Variants in GRIA1 observed in about 807,000 individuals in gnomAD.
The protein encoded by GRIA1 is glutamate ionotropic receptor AMPA type subunit 1, also known as glutamate receptor 1.
A neutral mutation model predicts 99.2 loss-of-function variants in GRIA1; 31 were observed. The ratio of observed to expected loss-of-function variants is 0.31; its 90% confidence interval spans 0.23 to 0.42. The LOEUF (loss-of-function observed/expected upper bound fraction) is 0.42. Among genes scored for constraint, GRIA1 ranks in the 10% least tolerant of loss-of-function variants. The probability of loss-of-function intolerance (pLI) is 1.00; values close to 1 mark genes in which losing one functional copy is unlikely to be tolerated. For missense variants in GRIA1, 782 were observed against 1,157.5 expected (o/e 0.68, Z 4.71); for synonymous variants, 438 against 432.4 (o/e 1.01, Z -0.16).
chr5:153,738,702 T>G (rs1761559019), intron 11 of GRIA1, among the ~76,000 whole-genome samples: 1 of 149,618 alleles, frequency 6.7e-6, no homozygotes, highest in South Asian at 2.2e-4. Context: ...TAATGTTGCG[T>G]GTTCATCTCC....
At chr5:153,725,672 T>C (rs1204412675) in intron 11 of GRIA1, among the ~76,000 whole-genome samples, 2 of 104,860 alleles carry the variant, frequency 1.9e-5, no homozygotes, top group Non-Finnish European at 3.7e-5. Context: ...AAGGGATCAA[T>C]TCAACAAGAA....
At chr5:153,580,440 A>C (rs1470699950) in intron 2 of GRIA1, among the ~76,000 whole-genome samples, 1 of 152,216 alleles carries the variant, frequency 6.6e-6, no homozygotes, top group Non-Finnish European at 1.5e-5. Context: ...TGTAGCTCAG[A>C]AGCAGTCAAG....
At chr5:153,739,951 T>A (rs923960853) in intron 11 of GRIA1, among the ~76,000 whole-genome samples, 1 of 152,240 alleles carries the variant, frequency 6.6e-6, no homozygotes, top group African/African-American at 2.4e-5. Flanking sequence ...CCATTTCCAT[T>A]ATGATTTATG....
intron 11 of GRIA1, among the ~76,000 whole-genome samples, chr5:153,754,441 G>A (rs779401313): frequency 5.9e-5 from 9 of 151,994 alleles, no homozygotes; most frequent in Non-Finnish European, 7.4e-5. Flanking sequence ...TATCGTTCAA[G>A]GTAGGCTGCT....
In GRIA1 at chr5:153,636,114, A is replaced by G. The variant is rs2042255; in HGVS notation, c.221-10814A>G. Among the ~76,000 whole-genome samples the G allele has an allele frequency of 3.8e-3, 573 of 152,252 alleles. 2 individuals carry two copies. Among genetic ancestry groups the G allele is most frequent in the Middle Eastern group, 0.02 (6 of 294 alleles). On this transcript the variant is annotated intron_variant, in intron 2 of 15. Coordinates refer to ENST00000285900, the MANE Select transcript of GRIA1 (RefSeq NM_000827.4). ...TCCCTTACTCTTCTTAAGAGCACCC[A>G]GAGTCACCATGAAAGAACCACAAGT...
intron 13 of GRIA1, among the ~76,000 whole-genome samples, chr5:153,793,617 C>T (rs1192366211): frequency 6.6e-6 from 1 of 152,208 alleles, no homozygotes; most frequent in East Asian, 1.9e-4. Context: ...GGGCCCAGCA[C>T]ATAAACCCTT....
intron 2 of GRIA1, among the ~76,000 whole-genome samples, chr5:153,589,315 C>T (rs902534974): frequency 6.6e-6 from 1 of 152,088 alleles, no homozygotes; most frequent in African/African-American, 2.4e-5. Context: ...AATGGAAGTG[C>T]CCCGAGCAGT....
At chr5:153,700,150 C>T (rs556402964) in intron 10 of GRIA1, among the ~76,000 whole-genome samples, 7 of 152,110 alleles carry the variant, frequency 4.6e-5, no homozygotes, top group East Asian at 1.9e-4. Context: ...CTTGGGAGGC[C>T]GAGGCAGGTG....
At chr5:153,669,523 C>G (rs1273970514) in intron 5 of GRIA1, among the ~76,000 whole-genome samples, 1 of 152,138 alleles carries the variant, frequency 6.6e-6, no homozygotes, top group East Asian at 1.9e-4. Flanking sequence ...CCTGTCTTGC[C>G]ACTGCTACTC....
chr5:153,721,926 C>A lies in GRIA1; in HGVS notation c.1823+15859C>A, dbSNP rs538498191. Among the ~76,000 whole-genome samples, 103 of 152,238 alleles carry A rather than the reference C, an allele frequency of 6.8e-4. 1 individual carries two copies. Among genetic ancestry groups the A allele is most frequent in the African/African-American group, 2.2e-3 (91 of 41,548 alleles). On this transcript the variant is annotated intron_variant, in intron 11 of 15. Transcript: ENST00000285900. ...ATATATTTTCTATTGTAGATGCTAC[C>A]AAACTGTTTTCAGAAGTAGCATACA...
intron 13 of GRIA1, among the ~76,000 whole-genome samples, chr5:153,792,952 C>T (rs576948835): frequency 2.6e-5 from 4 of 152,164 alleles, no homozygotes; most frequent in Non-Finnish European, 5.9e-5. Flanking sequence ...AACTCCTTTT[C>T]AGACAGCAAA....
At chr5:153,716,969 A>C (rs1469018290) in intron 11 of GRIA1, among the ~76,000 whole-genome samples, 1 of 152,210 alleles carries the variant, frequency 6.6e-6, no homozygotes, top group Non-Finnish European at 1.5e-5. Context: ...ATCAGTAGAA[A>C]GCTGGTGAAA....
chr5:153,768,747 TTTATA>T (rs1473922363), intron 12 of GRIA1, among the ~76,000 whole-genome samples: 3 of 152,158 alleles, frequency 2.0e-5, no homozygotes, highest in Non-Finnish European at 4.4e-5. Flanking sequence ...TAATGATAAT[TTTATA>T]TTAAATAAAT....
intron 11 of GRIA1, among the ~76,000 whole-genome samples, chr5:153,745,107 C>T (rs1762054142): frequency 6.6e-6 from 1 of 152,220 alleles, no homozygotes; most frequent in South Asian, 2.1e-4. Context: ...AGAACCTTTG[C>T]TCTTCCTGTT....
chr5:153,675,926 G>A (rs931145754), intron 6 of GRIA1, among the ~76,000 whole-genome samples: 2 of 150,180 alleles, frequency 1.3e-5, no homozygotes, highest in African/African-American at 2.5e-5. Flanking sequence ...GCATGATCTC[G>A]GCTCACTGCA....
intron 2 of GRIA1, among the ~76,000 whole-genome samples, chr5:153,567,520 G>A (rs997925876): frequency 2.6e-5 from 4 of 152,142 alleles, no homozygotes; most frequent in African/African-American, 7.2e-5. Flanking sequence ...TCTGTAGCAG[G>A]ATCTCTGACC....
intron 11 of GRIA1, among the ~76,000 whole-genome samples, chr5:153,738,278 A>G (rs1326144786): frequency 1.3e-5 from 2 of 152,180 alleles, no homozygotes; most frequent in Admixed American, 6.5e-5. Context: ...CCCTCCTCAG[A>G]AAATGTCACC....
chr5:153,811,985 A>G lies in GRIA1; in HGVS notation c.*760A>G, dbSNP rs2149684950. The G allele has an allele frequency of 6.6e-6, 1 of 152,386 alleles. No homozygotes were observed. The highest frequency in any genetic ancestry group is 1.5e-5 in the Non-Finnish European group (1 of 68,112). The allele number at this position is 152,386 out of a possible 1,614,324, so 9.4% of individuals were successfully genotyped here. ...GACTCCTGAAGTTACTGCTGCTCAGAAAAACAGTTCCTTTAATGTGGAAGA... is the reference window on the plus strand; with the variant it reads ...GACTCCTGAAGTTACTGCTGCTCAGGAAAACAGTTCCTTTAATGTGGAAGA... On this transcript the variant is annotated 3_prime_UTR_variant, in exon 16 of 16. Coordinates refer to ENST00000285900, the MANE Select transcript of GRIA1 (RefSeq NM_000827.4).
intron 11 of GRIA1, among the ~76,000 whole-genome samples, chr5:153,711,319 A>G (rs1256449563): frequency 1.3e-5 from 2 of 152,246 alleles, no homozygotes; most frequent in Non-Finnish European, 1.5e-5. Flanking sequence ...AGAGTCTCTC[A>G]TAGCCATCCT....
Sources: allele counts gnomAD v4.1 joint callset (sites outside exome capture counted in the v4.1 genomes callset), GRCh38; gene constraint gnomAD v4.1.1; transcripts MANE v1.5; gene names NCBI Gene and HGNC (gene_info 2026-07-23, HGNC 2026-07-21).